Variants in MYO9A observed in about 807,000 individuals in gnomAD.
MYO9A encodes unconventional myosin-IXa.
Under a neutral mutation model 293.3 loss-of-function variants are expected in MYO9A, and 103 were observed. The ratio of observed to expected loss-of-function variants is 0.35; its 90% CI spans 0.30 to 0.41. The LOEUF (loss-of-function observed/expected upper bound fraction) is 0.41. Among genes scored for constraint, MYO9A ranks in the 10% least tolerant of loss-of-function variants. The probability of loss-of-function intolerance (pLI) is 1.00; values close to 1 mark genes in which losing one functional copy is unlikely to be tolerated. For missense variants in MYO9A, 2,685 were observed against 3,033.0 expected (o/e 0.89, Z 2.69); for synonymous variants, 1,001 against 1,035.7 (o/e 0.97, Z 0.64).
At chr15:72,079,798 T>C (rs2079483941) in intron 1 of MYO9A, among the ~76,000 whole-genome samples, 1 of 152,196 alleles carries the variant, frequency 6.6e-6, no homozygotes, top group African/African-American at 2.4e-5. Flanking sequence ...GGCTTCAGAA[T>C]CTGAAGAGGA....
rs1347999256 is a variant in MYO9A, at chr15:71,898,209, T to C, written c.4294A>G (p.Asn1432Asp). Residue 1432 changes from asparagine (N) to aspartate (D), a missense_variant, in exon 25 of 42, where the codon AAT (asparagine) becomes GAT (aspartate). By Grantham distance (23) the Asn-to-Asp change is conservative. This residue lies in a region of MYO9A where 1,434 missense variants were observed against 1,497.7 expected (regional missense o/e 0.96). Coordinates refer to ENST00000356056, the MANE Select transcript of MYO9A (RefSeq NM_006901.4). ...YIPQQDPLKT[N>D]SQLDTSIQRN... is the part of the protein sequence containing the mutation. ...TGGATACTTGTGTCTAGTTGGGAAT[T>C]TGTTTTCAGTGGGTCTTGTTGGGGG... 6.2e-7 allele frequency: 1 copy of C among 1,614,140 alleles called. No homozygotes were observed. The highest frequency in any genetic ancestry group is 8.5e-7 in the Non-Finnish European group (1 of 1,180,012).
In MYO9A at chr15:71,896,251, T is replaced by A. The variant is rs77200496; in HGVS notation, c.5042+1210A>T. 2.7e-3 allele frequency among the ~76,000 whole-genome samples: 416 copies of A among 152,322 alleles called. 1 individual carries two copies. Among genetic ancestry groups the A allele is most frequent in the Non-Finnish European group, 5.1e-3 (344 of 68,028 alleles). The stretch of plus-strand genomic sequence containing the variant: ...TTTAAAGGGTGGAACATTTAAATGT[T>A]TGGGTTATATATAAAAGGAGAGAAA... On this transcript the variant is annotated intron_variant, in intron 25 of 41. Transcript: ENST00000356056.
At chr15:71,847,332 G>A (rs1315636526) in intron 39 of MYO9A, 1 of 397,094 alleles carries the variant, frequency 2.5e-6, no homozygotes, top group African/African-American at 2.0e-5. Context: ...AGGCATGAAT[G>A]ATAGACAGGG....
intron 2 of MYO9A, among the ~76,000 whole-genome samples, chr15:72,043,246 C>T (rs1210631953): frequency 1.3e-5 from 2 of 151,966 alleles, no homozygotes; most frequent in Non-Finnish European, 2.9e-5. Context: ...ATAAATCTTA[C>T]CAAAGATGTA....
At chr15:71,860,553 G>A (rs2056075770) in intron 33 of MYO9A, among the ~76,000 whole-genome samples, 2 of 151,870 alleles carry the variant, frequency 1.3e-5, no homozygotes, top group African/African-American at 4.8e-5. Flanking sequence ...ATCCTTTCTT[G>A]AGCTTGTAAA....
At chr15:72,090,145 C>G (rs1028660834) in intron 1 of MYO9A, among the ~76,000 whole-genome samples, 4 of 152,176 alleles carry the variant, frequency 2.6e-5, no homozygotes, top group African/African-American at 7.2e-5. Context: ...GGTAAAATTA[C>G]AGCTGTTCTG....
At chr15:72,101,355 G>A (rs1250438626) in intron 1 of MYO9A, among the ~76,000 whole-genome samples, 4 of 144,684 alleles carry the variant, frequency 2.8e-5, no homozygotes, top group African/African-American at 1.0e-4. Flanking sequence ...TCAGCCTCCC[G>A]CCCGGCCAGC....
Position 72,117,914 on chromosome 15 carries a change from C to T in MYO9A, c.-306G>A, listed in dbSNP as rs2081061322. 7.5e-6 allele frequency: 3 copies of T among 398,506 alleles called. No individual in the cohort carries two copies. The highest frequency in any genetic ancestry group is 4.4e-5 in the Admixed American group (1 of 22,696). 24.7% of individuals were successfully genotyped at this position (398,506 alleles called of 1,614,324 possible). On this transcript the variant is annotated 5_prime_UTR_variant, in exon 1 of 42. The change creates a new upstream start codon in the 5' untranslated region. Transcript: ENST00000356056. ...CTGAGCAGGCACATCCCCCGCCGCA[C>T]CCCGCCCAGAGAGCACGCGTTGGAC...
intron 10 of MYO9A, among the ~76,000 whole-genome samples, chr15:71,993,266 C>G (rs1178426070): frequency 6.6e-6 from 1 of 152,118 alleles, no homozygotes. Context: ...AGGAGAATCA[C>G]TTGAACCCAG....
chr15:71,921,062 T>C (rs989979835), intron 18 of MYO9A, among the ~76,000 whole-genome samples: 3 of 152,094 alleles, frequency 2.0e-5, no homozygotes, highest in Admixed American at 1.3e-4. Context: ...AGTACAAATA[T>C]ATAACTGGAC....
chr15:71,840,574 CT>C, intron 39 of MYO9A, among the ~76,000 whole-genome samples: 1 of 152,268 alleles, frequency 6.6e-6, no homozygotes, highest in African/African-American at 2.4e-5. Context: ...AAAATTTAGC[CT>C]TTCTTTCCAA....
chr15:71,904,916 A>G lies in MYO9A; in HGVS notation c.2766+10T>C. 9 of 1,589,734 alleles carry G rather than the reference A, an allele frequency of 5.7e-6. No homozygotes were observed. The highest frequency in any genetic ancestry group is 7.7e-6 in the Non-Finnish European group (9 of 1,162,938). On this transcript the variant is annotated intron_variant, in intron 20 of 41. Transcript: ENST00000356056. ...TGAGATATGTGCTCTCATTTATAGGACATTTTTACCTTTTCAGCATTAGAG... is the reference window on the plus strand; with the variant it reads ...TGAGATATGTGCTCTCATTTATAGGGCATTTTTACCTTTTCAGCATTAGAG...
chr15:71,896,922 GA>G (rs1159426181), intron 25 of MYO9A: 1 of 152,190 alleles, frequency 6.6e-6, no homozygotes, highest in Non-Finnish European at 1.5e-5. Flanking sequence ...TTTACAAGAA[GA>G]AAAAGTTCTA....
chr15:72,118,423 G>A (rs981226311), upstream of MYO9A: 1 of 154,362 alleles, frequency 6.5e-6, no homozygotes, highest in African/African-American at 2.4e-5. Context: ...GGCCAACACA[G>A]AGGTGCCTGA....
chr15:71,887,435 T>C (rs957937507), intron 27 of MYO9A, among the ~76,000 whole-genome samples: 2 of 152,162 alleles, frequency 1.3e-5, no homozygotes, highest in African/African-American at 4.8e-5. Context: ...TGTTCTTTCT[T>C]CCCTCTCTAC....
intron 1 of MYO9A, among the ~76,000 whole-genome samples, chr15:72,076,930 T>C (rs1567014403): frequency 1.3e-5 from 2 of 151,636 alleles, no homozygotes; most frequent in Admixed American, 1.3e-4. Flanking sequence ...CACACAAATA[T>C]AGTCACCTGA....
chr15:71,978,359 T>G, intron 11 of MYO9A, 67 bp from the exon 12 acceptor site: 2 of 1,352,734 alleles, frequency 1.5e-6, no homozygotes, highest in Non-Finnish European at 2.0e-6. Context: ...TAATATAGAT[T>G]GAAAAGCTTT....
rs1273890855 is a variant in MYO9A at position 71,823,596 on chromosome 15, G to GTATT, written c.*2980_*2983dup. On this transcript the variant is annotated 3_prime_UTR_variant, in exon 42 of 42. Transcript: ENST00000356056. ...AAACTAAGCCTCCCTGAATCCTGCT[G>GTATT]TATTTGCTGTTGATTTGCTTCAATT... 3 of 152,244 alleles carry GTATT rather than the reference G, an allele frequency of 2.0e-5. No homozygotes were observed. The highest frequency in any genetic ancestry group is 7.2e-5 in the African/African-American group (3 of 41,466). 9.4% of individuals were successfully genotyped at this position (152,244 alleles called of 1,614,324 possible). A position where few individuals can be genotyped will look rare whatever the true frequency, so the allele number is the denominator to read the frequency against.
intron 1 of MYO9A, among the ~76,000 whole-genome samples, chr15:72,111,221 G>T (rs1203177665): frequency 1.3e-5 from 2 of 151,786 alleles, no homozygotes; most frequent in East Asian, 3.9e-4. Context: ...TGCGCACAGT[G>T]GCTCACACCT....
Sources: allele counts gnomAD v4.1 joint callset (sites outside exome capture counted in the v4.1 genomes callset), GRCh38; gene constraint gnomAD v4.1.1; regional missense constraint gnomAD v4.1.1; transcripts MANE v1.5; gene names NCBI Gene and HGNC (gene_info 2026-07-23, HGNC 2026-07-21).